CCDC102A: variants seen among roughly 807,000 people sequenced by gnomAD.
The protein encoded by CCDC102A is coiled-coil domain-containing protein 102A.
In CCDC102A, 40 loss-of-function variants were observed where a neutral mutation model predicts 55.5. The ratio of observed to expected loss-of-function variants is 0.72; its 90% CI spans 0.56 to 0.94. The LOEUF (loss-of-function observed/expected upper bound fraction) is 0.94, where lower values mean the gene tolerates loss of function less well. Ranked by LOEUF, CCDC102A falls within the 40% of genes least tolerant of loss-of-function variation. The pLI is 0.00. For missense variants in CCDC102A, 779 were observed against 768.6 expected, an observed-to-expected ratio of 1.01 and a Z score of -0.16; for synonymous variants, 323 against 339.0, an observed-to-expected ratio of 0.95 and a Z score of 0.52.
chr16:57,522,758 G>C (rs532077849), intron 3 of CCDC102A, among the ~76,000 whole-genome samples: 1 of 152,210 alleles, frequency 6.6e-6, no homozygotes, highest in African/African-American at 2.4e-5. Context: ...CTATGTCTTT[G>C]CTGTTATAAC....
chr16:57,536,009 GA>G (rs1430567913), intron 1 of CCDC102A, among the ~76,000 whole-genome samples: 1 of 152,166 alleles, frequency 6.6e-6, no homozygotes, highest in African/African-American at 2.4e-5. Flanking sequence ...TCCACCTAGC[GA>G]CGGGCGGAGG....
chr16:57,513,371 A>T (rs1221983463), intron 8 of CCDC102A, among the ~76,000 whole-genome samples: 2 of 152,208 alleles, frequency 1.3e-5, no homozygotes, highest in Non-Finnish European at 2.9e-5. Context: ...GTCTAAGAAG[A>T]GCTGGTGAAG....
At chr16:57,512,919 C>A (rs1555518884) in intron 8 of CCDC102A, 49 bp from the exon 9 acceptor site, 2 of 1,549,354 alleles carry the variant, frequency 1.3e-6, no homozygotes, top group Middle Eastern at 1.8e-4. Flanking sequence ...CTGGTAGTCC[C>A]CCGATAAGGT....
chr16:57,531,678 A>G (rs2032266482), intron 1 of CCDC102A, among the ~76,000 whole-genome samples: 1 of 152,230 alleles, frequency 6.6e-6, no homozygotes, highest in East Asian at 1.9e-4. Context: ...CAATCCCAGC[A>G]GGAGCCGCAA....
At chr16:57,525,427 T>G (rs1012503366) in intron 3 of CCDC102A, among the ~76,000 whole-genome samples, 1 of 152,156 alleles carries the variant, frequency 6.6e-6, no homozygotes, top group African/African-American at 2.4e-5. Flanking sequence ...ATATCATCTC[T>G]TCACTGGTGA....
Position 57,519,342 on chromosome 16 carries a change from G to A in CCDC102A, c.922-601C>T, listed in dbSNP as rs545475282. Among the ~76,000 whole-genome samples the A allele has an allele frequency of 2.6e-5, 4 of 152,290 alleles. No individual in the cohort carries two copies. The East Asian group carries it at 7.7e-4, about 29-fold the overall frequency. On this transcript the variant is annotated intron_variant, in intron 4 of 8. Coordinates refer to ENST00000258214, the MANE Select transcript of CCDC102A (RefSeq NM_033212.4). ...ATGCCTCTTCTGCCCACCTGGCCTGGAGGAGGGGCCTCCTCATCCCACTCC... is the reference window on the plus strand; with the variant it reads ...ATGCCTCTTCTGCCCACCTGGCCTGAAGGAGGGGCCTCCTCATCCCACTCC...
intron 3 of CCDC102A, among the ~76,000 whole-genome samples, chr16:57,525,147 G>A (rs369673050): frequency 6.6e-6 from 1 of 152,104 alleles, no homozygotes; most frequent in East Asian, 1.9e-4. Context: ...CCAGGATGGA[G>A]TGCAGTGGCA....
chr16:57,534,933 A>G (rs2146725946), intron 1 of CCDC102A, among the ~76,000 whole-genome samples: 1 of 152,280 alleles, frequency 6.6e-6, no homozygotes, highest in East Asian at 1.9e-4. Context: ...GTCTCTCCAT[A>G]TCAGTGAGAG....
chr16:57,536,203 C>A (rs1382353852), intron 1 of CCDC102A, among the ~76,000 whole-genome samples: 1 of 152,104 alleles, frequency 6.6e-6, no homozygotes, highest in African/African-American at 2.4e-5. Flanking sequence ...TCCGTCCCCG[C>A]CCGCCGCCCC....
intron 2 of CCDC102A, among the ~76,000 whole-genome samples, chr16:57,527,350 A>G (rs1567604965): frequency 6.7e-6 from 1 of 149,974 alleles, no homozygotes; most frequent in African/African-American, 2.5e-5. Context: ...ATTACCCTGG[A>G]CTCTGGAGCC....
chr16:57,536,135 C>T (rs1274650702), intron 1 of CCDC102A, among the ~76,000 whole-genome samples: 2 of 152,152 alleles, frequency 1.3e-5, no homozygotes, highest in African/African-American at 4.8e-5. Context: ...CCAGCGCCGC[C>T]CGTCCATCCC....
chr16:57,536,971 C>T (rs1345224244), upstream of CCDC102A, among the ~76,000 whole-genome samples: 2 of 152,190 alleles, frequency 1.3e-5, no homozygotes, highest in African/African-American at 2.4e-5. Flanking sequence ...TGCATTTTTC[C>T]CTGGGCCAGC....
chr16:57,512,516 G>GCA lies in CCDC102A; in HGVS notation c.*224_*225insTG. The GCA allele has an allele frequency of 6.7e-6, 3 of 448,936 alleles. No individual in the cohort carries two copies. The highest frequency in any genetic ancestry group is 4.1e-5 in the Admixed American group (1 of 24,678). 27.8% of individuals were successfully genotyped at this position (448,936 alleles called of 1,614,324 possible). ...TGGGTCCAAAGACTTCTGGGTGTGCGCGCGCGCGCGCGCGTGTGTGTATAT... is the reference window on the plus strand; with the variant it reads ...TGGGTCCAAAGACTTCTGGGTGTGCGCACGCGCGCGCGCGCGTGTGTGTATAT... On this transcript the variant is annotated 3_prime_UTR_variant, in exon 9 of 9. Coordinates refer to ENST00000258214, the MANE Select transcript of CCDC102A (RefSeq NM_033212.4).
intron 3 of CCDC102A, among the ~76,000 whole-genome samples, chr16:57,525,238 G>A (rs971515440): frequency 2.0e-5 from 3 of 152,128 alleles, no homozygotes; most frequent in Admixed American, 6.5e-5. Flanking sequence ...TGGGATTGCA[G>A]GTGTCTGCCA....
chr16:57,525,790 T>TA, intron 3 of CCDC102A, 111 bp downstream of exon 3: 1 of 960,088 alleles, frequency 1.0e-6, no homozygotes, highest in Admixed American at 2.6e-5. Flanking sequence ...AGTTCCAAGA[T>TA]ACAGTCTAAA....
chr16:57,520,975 T>G (rs2032039774), intron 4 of CCDC102A, 93 bp downstream of exon 4: 1 of 810,810 alleles, frequency 1.2e-6, no homozygotes, highest in South Asian at 1.5e-5. Context: ...TTGGATGAAT[T>G]AATGAATGAA....
At chr16:57,530,918 C>G (rs1174309802) in intron 1 of CCDC102A, among the ~76,000 whole-genome samples, 1 of 151,944 alleles carries the variant, frequency 6.6e-6, no homozygotes, top group African/African-American at 2.4e-5. Context: ...GGTGTGCCCT[C>G]TGGACCCACC....
At chr16:57,512,959 C>A in intron 8 of CCDC102A, 89 bp from the exon 9 acceptor site, 1 of 1,130,466 alleles carries the variant, frequency 8.8e-7, no homozygotes, top group East Asian at 2.4e-5. Flanking sequence ...GCAGTTAAGC[C>A]TTCCCTGGTG....
In CCDC102A at chr16:57,512,807, G is replaced by A. The variant is rs754870985; in HGVS notation, c.1587C>T (p.Thr529=). The change falls in exon 9 of 9, where the codon ACC becomes ACT. Residue 529 remains threonine, a synonymous_variant. Transcript: ENST00000258214. ...CACTGGTTCCATCCTCGGCCTCCTCGGTGCCAAAGCGAGCACTGCGGATCT... is the reference window on the plus strand; with the variant it reads ...CACTGGTTCCATCCTCGGCCTCCTCAGTGCCAAAGCGAGCACTGCGGATCT... ...FGKIRSARFG[T]EEAEDGTSDL... The A allele has an allele frequency of 1.7e-5, 28 of 1,614,054 alleles. No individual in the cohort carries two copies. The highest frequency in any genetic ancestry group is 1.5e-4 in the South Asian group (14 of 91,064).
Sources: gnomAD v4.1 joint callset for allele counts (sites outside exome capture counted in the v4.1 genomes callset) on GRCh38, gnomAD v4.1.1 for gene constraint, MANE v1.5 for transcripts, NCBI Gene and HGNC (gene_info 2026-07-23, HGNC 2026-07-21) for gene names.